The following PLXNA4 variants were observed in gnomAD, a reference collection of about 807,000 sequenced individuals.
The protein encoded by PLXNA4 is plexin-A4.
PLXNA4 carries 44 observed loss-of-function variants against 191.8 expected under a neutral mutation model. The observed-to-expected ratio is 0.23, with a 90% confidence interval of 0.18 to 0.29. The LOEUF is 0.29. PLXNA4 is among the 10% of genes least tolerant of loss of function. The pLI is 1.00. For missense variants in PLXNA4, 1,800 were observed against 2,488.8 expected (o/e 0.72, Z 5.89); for synonymous variants, 1,082 against 1,009.5 (o/e 1.07, Z -1.36).
Position 132,507,921 on chromosome 7 carries a change from G to T in PLXNA4, c.773C>A (p.Thr258Asn). 1 of 1,614,152 alleles carries T rather than the reference G, an allele frequency of 6.2e-7. No homozygotes were observed. The highest frequency in any genetic ancestry group is 1.1e-5 in the South Asian group (1 of 91,078). Residue 258 changes from threonine to asparagine, a missense_variant, in exon 2 of 32, where the codon ACC becomes AAC. Thr to Asn is a moderately conservative substitution (Grantham distance 65, BLOSUM62 0). Transcript: ENST00000321063. ...TGGAGACACCATCTCAGGTTGGAGG[G>T]TCAAAAAGTAGACAAAGTTGCCACT... ...FSSGNFVYFL[T>N]LQPEMVSPPG...
chr7:132,128,226 T>C lies in PLXNA4; in HGVS notation c.*2253A>G, dbSNP rs113440424. 1.3e-5 allele frequency: 2 copies of C among 152,194 alleles called. No homozygotes were observed. The highest frequency in any genetic ancestry group is 6.5e-5 in the Admixed American group (1 of 15,282). The allele number at this position is 152,194 out of a possible 1,614,324, so 9.4% of individuals were successfully genotyped here. Reference sequence around the variant, plus strand: ...TGGGAGGGAATAAAATGATCAAGGATAGAAAAGTCAAGCTTCTCCACCTGG... The same window carrying C: ...TGGGAGGGAATAAAATGATCAAGGACAGAAAAGTCAAGCTTCTCCACCTGG... On this transcript the variant is annotated 3_prime_UTR_variant, in exon 32 of 32. Transcript: ENST00000321063.
chr7:132,238,817 G>T (rs543560200), intron 5 of PLXNA4, among the ~76,000 whole-genome samples: 81 of 152,276 alleles, frequency 5.3e-4, no homozygotes, highest in African/African-American at 1.0e-3. Flanking sequence ...TCACAAGAGG[G>T]GGGGGGGCAC....
intron 1 of PLXNA4, among the ~76,000 whole-genome samples, chr7:132,559,664 G>A (rs144695913): frequency 3.3e-5 from 5 of 152,200 alleles, no homozygotes; most frequent in Non-Finnish European, 7.3e-5. Context: ...CCAATGGCCT[G>A]TTCTCTGCAG....
Position 132,127,532 on chromosome 7 carries a change from T to TTAAA in PLXNA4, c.*2943_*2946dup, listed in dbSNP as rs915292880. On this transcript the variant is annotated 3_prime_UTR_variant, in exon 32 of 32. Coordinates refer to ENST00000321063, the MANE Select transcript of PLXNA4 (RefSeq NM_020911.2). ...TTGACAATGTTGCTTGTCTTTGCTT[T>TTAAA]TAAATACCATATCACACGTGCACCA... 3.9e-5 allele frequency: 6 copies of TTAAA among 152,250 alleles called. No individual in the cohort carries two copies. Among genetic ancestry groups the TTAAA allele is most frequent in the Middle Eastern group, 6.8e-3 (2 of 294 alleles). The allele number at this position is 152,250 out of a possible 1,614,324, so 9.4% of individuals were successfully genotyped here. A position where few individuals can be genotyped will look rare whatever the true frequency, so the allele number is the denominator to read the frequency against.
At chr7:132,544,486 C>G (rs1480241336) in intron 1 of PLXNA4, among the ~76,000 whole-genome samples, 1 of 152,178 alleles carries the variant, frequency 6.6e-6, no homozygotes, top group African/African-American at 2.4e-5. Flanking sequence ...CATTGGATTA[C>G]AAGCCAGGAA....
At chr7:132,394,248 C>A (rs1391885865) in intron 3 of PLXNA4, among the ~76,000 whole-genome samples, 1 of 152,180 alleles carries the variant, frequency 6.6e-6, no homozygotes, top group Non-Finnish European at 1.5e-5. Flanking sequence ...TCTGTCCTAC[C>A]CCCTCGAGAC....
At chr7:132,446,373 G>A (rs1203305006) in intron 3 of PLXNA4, among the ~76,000 whole-genome samples, 2 of 152,138 alleles carry the variant, frequency 1.3e-5, no homozygotes, top group Non-Finnish European at 2.9e-5. Flanking sequence ...AGTCCAGCCC[G>A]TGTGCCATTA....
At chr7:132,250,858 C>A (rs1799222637) in intron 4 of PLXNA4, among the ~76,000 whole-genome samples, 1 of 152,176 alleles carries the variant, frequency 6.6e-6, no homozygotes, top group Admixed American at 6.5e-5. Flanking sequence ...TCATTTGATA[C>A]CCAGTCCCTA....
At chr7:132,381,570 CA>C (rs1804893927) in intron 3 of PLXNA4, among the ~76,000 whole-genome samples, 2 of 152,156 alleles carry the variant, frequency 1.3e-5, no homozygotes, top group Admixed American at 6.5e-5. Flanking sequence ...ATTTAAATTT[CA>C]AGTGACATTC....
At chr7:132,506,781 C>T (rs1397697462) in intron 2 of PLXNA4, among the ~76,000 whole-genome samples, 1 of 152,210 alleles carries the variant, frequency 6.6e-6, no homozygotes, top group Non-Finnish European at 1.5e-5. Flanking sequence ...CTCTGGCTCC[C>T]CACAGCTCTC....
intron 3 of PLXNA4, among the ~76,000 whole-genome samples, chr7:132,318,710 A>G (rs1018041333): frequency 2.3e-5 from 3 of 128,266 alleles, no homozygotes; most frequent in African/African-American, 9.2e-5. Flanking sequence ...CTCCAATCTC[A>G]TCTGTCCCCT....
At chr7:132,231,707 G>A (rs781679804) in intron 5 of PLXNA4, among the ~76,000 whole-genome samples, 4 of 152,208 alleles carry the variant, frequency 2.6e-5, no homozygotes, top group Non-Finnish European at 4.4e-5. Context: ...TTACAGGCGT[G>A]AGCCACCATG....
At chr7:132,418,695 A>G (rs919298091) in intron 3 of PLXNA4, among the ~76,000 whole-genome samples, 1 of 152,184 alleles carries the variant, frequency 6.6e-6, no homozygotes, top group East Asian at 1.9e-4. Flanking sequence ...GTAGAAATCA[A>G]TGGTTTTCCT....
At chr7:132,540,181 G>C (rs1800008797) in intron 1 of PLXNA4, among the ~76,000 whole-genome samples, 1 of 152,128 alleles carries the variant, frequency 6.6e-6, no homozygotes, top group East Asian at 1.9e-4. Flanking sequence ...GATCAACCCA[G>C]AGTTTCGGAG....
Position 132,495,879 on chromosome 7 carries a change from A to C in PLXNA4, c.1189-6405T>G, listed in dbSNP as rs116490189. ...CAAGGGAAATAGGCACTAGATGAAG[A>C]CAAGGCTATTTACTTTTCCTCACTT... On this transcript the variant is annotated intron_variant, in intron 2 of 31. Coordinates refer to ENST00000321063, the MANE Select transcript of PLXNA4 (RefSeq NM_020911.2). Among the ~76,000 whole-genome samples, 1,405 of 152,366 alleles carry C rather than the reference A, an allele frequency of 9.2e-3. 27 individuals are homozygous for C. Among genetic ancestry groups the C allele is most frequent in the African/African-American group, 0.032 (1,342 of 41,594 alleles).
chr7:132,202,583 C>A, intron 12 of PLXNA4, 63 bp downstream of exon 12: 1 of 1,369,476 alleles, frequency 7.3e-7, no homozygotes, highest in Non-Finnish European at 9.5e-7. Context: ...AGAGTTTCCA[C>A]AGGGTGTGGC....
chr7:132,384,956 C>A (rs566354369), intron 3 of PLXNA4: 3 of 1,337,694 alleles, frequency 2.2e-6, no homozygotes, highest in South Asian at 3.1e-5. Flanking sequence ...CTCCATTGTC[C>A]AAAATTACCC....
chr7:132,305,406 A>ACACACACACACACT (rs1491312866), intron 3 of PLXNA4, among the ~76,000 whole-genome samples: 91 of 140,138 alleles, frequency 6.5e-4, no homozygotes, highest in African/African-American at 2.4e-3. Context: ...ACACACACAC[A>ACACACACACACACT]CTCTACTCTG....
intron 5 of PLXNA4, among the ~76,000 whole-genome samples, chr7:132,237,164 A>G (rs1368330994): frequency 6.6e-6 from 1 of 152,184 alleles, no homozygotes; most frequent in East Asian, 1.9e-4. Flanking sequence ...TTAAAATTGT[A>G]CCTTTATTAA....
Sources: gnomAD v4.1 joint callset for allele counts (sites outside exome capture counted in the v4.1 genomes callset) on GRCh38, gnomAD v4.1.1 for gene constraint, MANE v1.5 for transcripts, NCBI Gene and HGNC (gene_info 2026-07-23, HGNC 2026-07-21) for gene names.